The following SPATS2L variants were observed in gnomAD, a reference collection of about 807,000 sequenced individuals.
The protein encoded by SPATS2L is SPATS2-like protein.
Under a neutral mutation model 59.6 loss-of-function variants are expected in SPATS2L, and 30 were observed. The ratio of observed to expected loss-of-function variants is 0.50; its 90% CI spans 0.38 to 0.68. SPATS2L has a LOEUF of 0.68. SPATS2L is among the 30% of genes least tolerant of loss of function. SPATS2L has a pLI of 0.00. For synonymous variants in SPATS2L, 252 were observed against 263.5 expected (o/e 0.96, Z 0.42); for missense variants, 615 against 700.0 (o/e 0.88, Z 1.37).
At chr2:200,356,312 G>T (rs998329202) in intron 2 of SPATS2L, among the ~76,000 whole-genome samples, 3 of 152,114 alleles carry the variant, frequency 2.0e-5, no homozygotes, top group African/African-American at 7.2e-5. Flanking sequence ...TAATAATAAT[G>T]ATGGCACTAA....
At chr2:200,378,194 C>A in intron 2 of SPATS2L, 1 of 1,001,712 alleles carries the variant, frequency 1.0e-6, no homozygotes, top group Non-Finnish European at 1.2e-6. Context: ...CAAGATCCTG[C>A]TACTACCCTG....
chr2:200,480,024 G>A lies in SPATS2L; in HGVS notation c.*1993G>A, dbSNP rs996016525. On this transcript the variant is annotated 3_prime_UTR_variant, in exon 13 of 13. Coordinates refer to ENST00000409140, the MANE Select transcript of SPATS2L (RefSeq NM_001100423.2). ...GCCCTGAATTCATATATTACAAGAC[G>A]GAAGGATTTTGCACAGTTTTTTATG... is the stretch of plus-strand genomic sequence containing the variant. 2.9e-5 allele frequency: 9 copies of A among 315,588 alleles called. No individual in the cohort carries two copies. Among genetic ancestry groups the A allele is most frequent in the Admixed American group, 5.0e-5 (1 of 20,180 alleles). The allele number at this position is 315,588 out of a possible 1,614,324, so 19.5% of individuals were successfully genotyped here. A position where few individuals can be genotyped will look rare whatever the true frequency, so the allele number is the denominator to read the frequency against.
At chr2:200,316,465 C>G (rs755122230) in intron 1 of SPATS2L, among the ~76,000 whole-genome samples, 40 of 152,238 alleles carry the variant, frequency 2.6e-4, no homozygotes, top group Admixed American at 1.2e-3. Flanking sequence ...TTATTTCTCC[C>G]TCATTCGCAG....
chr2:200,411,108 C>T (rs1291423848), intron 3 of SPATS2L, among the ~76,000 whole-genome samples: 7 of 151,442 alleles, frequency 4.6e-5, no homozygotes, highest in Non-Finnish European at 7.4e-5. Context: ...TCAAAACCAC[C>T]TTTCTAATCT....
At chr2:200,307,584 C>G (rs772873758) in intron 1 of SPATS2L, among the ~76,000 whole-genome samples, 1 of 152,154 alleles carries the variant, frequency 6.6e-6, no homozygotes, top group African/African-American at 2.4e-5. Flanking sequence ...CGGGGGGACC[C>G]CGGAGTCCGC....
At chr2:200,476,240 TAA>T (rs2087512240) in intron 12 of SPATS2L, among the ~76,000 whole-genome samples, 1 of 152,206 alleles carries the variant, frequency 6.6e-6, no homozygotes, top group Non-Finnish European at 1.5e-5. Context: ...TCTTTGCTTA[TAA>T]CTGCAGAAAG....
intron 2 of SPATS2L, among the ~76,000 whole-genome samples, chr2:200,350,561 G>C (rs2080685964): frequency 6.6e-6 from 1 of 151,830 alleles, no homozygotes; most frequent in Admixed American, 6.6e-5. Context: ...GAGTCTCACT[G>C]TGTCACCCAG....
chr2:200,317,027 T>C (rs1402949327), intron 1 of SPATS2L, among the ~76,000 whole-genome samples: 2 of 152,180 alleles, frequency 1.3e-5, no homozygotes, highest in East Asian at 3.8e-4. Context: ...TATCTTTGTC[T>C]CTAGTGGGAA....
At chr2:200,339,620 T>C (rs1413778797) in intron 2 of SPATS2L, among the ~76,000 whole-genome samples, 1 of 152,212 alleles carries the variant, frequency 6.6e-6, no homozygotes, top group Non-Finnish European at 1.5e-5. Flanking sequence ...ATAGTATCCA[T>C]AGATAAATTC....
intron 6 of SPATS2L, among the ~76,000 whole-genome samples, chr2:200,436,239 C>G (rs1365414479): frequency 1.3e-5 from 2 of 152,148 alleles, no homozygotes; most frequent in African/African-American, 2.4e-5. Context: ...TGTTATAGCT[C>G]TATAACGCTC....
intron 8 of SPATS2L, among the ~76,000 whole-genome samples, chr2:200,456,637 G>C (rs575163667): frequency 1.3e-5 from 2 of 152,204 alleles, no homozygotes; most frequent in Non-Finnish European, 2.9e-5. Flanking sequence ...AAAGAAATTA[G>C]CAAAGGCCCT....
chr2:200,378,164 G>A, intron 2 of SPATS2L: 3 of 955,380 alleles, frequency 3.1e-6, no homozygotes, highest in Non-Finnish European at 3.8e-6. Context: ...CCAACCCCCT[G>A]CTGATTACTC....
At chr2:200,435,000 C>T (rs1452983330) in intron 6 of SPATS2L, among the ~76,000 whole-genome samples, 3 of 152,072 alleles carry the variant, frequency 2.0e-5, no homozygotes, top group African/African-American at 4.8e-5. Flanking sequence ...GAAATAGTCA[C>T]GCATATAGTC....
At position 200,482,094 on chromosome 2, in the gene SPATS2L, G is replaced by A. The variant is rs1057067170; in HGVS notation, c.*4063G>A. 7 of 152,208 alleles carry A rather than the reference G, an allele frequency of 4.6e-5. No individual in the cohort carries two copies. Among genetic ancestry groups the A allele is most frequent in the Non-Finnish European group, 1.0e-4 (7 of 68,038 alleles). The allele number at this position is 152,208 out of a possible 1,614,324, so 9.4% of individuals were successfully genotyped here. On this transcript the variant is annotated 3_prime_UTR_variant, in exon 13 of 13. Coordinates refer to ENST00000409140, the MANE Select transcript of SPATS2L (RefSeq NM_001100423.2). ...GTTCCAGCATTTCCTTGAAAGTACT[G>A]AGCCATCTCAATTGCTCTGATTTTG...
At chr2:200,433,526 T>A (rs996004133) in intron 6 of SPATS2L, among the ~76,000 whole-genome samples, 1 of 152,058 alleles carries the variant, frequency 6.6e-6, no homozygotes, top group Non-Finnish European at 1.5e-5. Flanking sequence ...CATTTAAAAA[T>A]TAATCAATCT....
intron 8 of SPATS2L, among the ~76,000 whole-genome samples, chr2:200,443,307 G>C (rs2084821200): frequency 2.0e-5 from 3 of 152,140 alleles, no homozygotes; most frequent in Non-Finnish European, 2.9e-5. Context: ...TGGCAGCTTG[G>C]AAATTTTTGT....
intron 11 of SPATS2L, 121 bp from the exon 12 acceptor site, chr2:200,472,711 C>CT (rs2087151867): frequency 2.4e-6 from 2 of 838,924 alleles, no homozygotes; most frequent in Non-Finnish European, 3.7e-6. Context: ...CAAAAGAAAA[C>CT]TTTTTAATGT....
intron 2 of SPATS2L, among the ~76,000 whole-genome samples, chr2:200,352,294 G>T (rs1326042510): frequency 7.7e-6 from 1 of 129,552 alleles, no homozygotes; most frequent in African/African-American, 3.5e-5. Flanking sequence ...TGGTTTTGAG[G>T]CTATATAACC....
chr2:200,441,609 G>C (rs185487808), intron 8 of SPATS2L, among the ~76,000 whole-genome samples: 16 of 152,212 alleles, frequency 1.1e-4, no homozygotes, highest in Admixed American at 1.0e-3. Flanking sequence ...GTCTCCCACA[G>C]TCTCCTAGCT....
Sources: gnomAD v4.1 joint callset for allele counts (sites outside exome capture counted in the v4.1 genomes callset) on GRCh38, gnomAD v4.1.1 for gene constraint, MANE v1.5 for transcripts, NCBI Gene and HGNC (gene_info 2026-07-23, HGNC 2026-07-21) for gene names.